The following HOMER2 variants were observed in gnomAD, a reference collection of about 807,000 sequenced individuals.
HOMER2 encodes the protein homer scaffold protein 2.
HOMER2 carries 27 observed loss-of-function variants against 47.0 expected under a neutral mutation model. The observed-to-expected ratio is 0.57, with a 90% CI of 0.42 to 0.79. The LOEUF is 0.79. Ranked by LOEUF, HOMER2 falls within the 30% of genes least tolerant of loss-of-function variation. The pLI, the probability that HOMER2 is intolerant of heterozygous loss-of-function variation, is 0.00. For synonymous variants in HOMER2, 161 were observed against 163.8 expected, an observed-to-expected ratio of 0.98 and a Z score of 0.13; for missense variants, 443 against 435.0, an observed-to-expected ratio of 1.02 and a Z score of -0.16.
At chr15:82,876,771 A>T (rs937365539) in intron 2 of HOMER2, among the ~76,000 whole-genome samples, 3 of 152,246 alleles carry the variant, frequency 2.0e-5, no homozygotes, top group Admixed American at 6.5e-5. Flanking sequence ...AGACAAAAAA[A>T]GTTTGAATGG....
chr15:82,898,637 G>T (rs971356634), intron 1 of HOMER2, among the ~76,000 whole-genome samples: 1 of 152,162 alleles, frequency 6.6e-6, no homozygotes, highest in African/African-American at 2.4e-5. Context: ...AGAATAATTA[G>T]ATACTCTGTG....
At chr15:82,903,641 C>T (rs962740956) in intron 1 of HOMER2, among the ~76,000 whole-genome samples, 2 of 151,316 alleles carry the variant, frequency 1.3e-5, no homozygotes, top group East Asian at 3.9e-4. Flanking sequence ...CACACGGCAA[C>T]AAGAGCGAAA....
At chr15:82,858,924 C>A (rs888000621) in intron 5 of HOMER2, 105 bp downstream of exon 5, 28 of 1,345,020 alleles carry the variant, frequency 2.1e-5, no homozygotes, top group Middle Eastern at 2.2e-4. Context: ...CTAAGCAGGT[C>A]CCAGTTTTCT....
intron 1 of HOMER2, among the ~76,000 whole-genome samples, chr15:82,934,380 T>G (rs969796199): frequency 6.6e-6 from 1 of 151,800 alleles, no homozygotes; most frequent in Non-Finnish European, 1.5e-5. Flanking sequence ...CCTCTTCCAC[T>G]CCAATGCCTC....
intron 5 of HOMER2, among the ~76,000 whole-genome samples, chr15:82,855,341 A>G (rs1169639670): frequency 6.6e-6 from 1 of 150,584 alleles, no homozygotes; most frequent in Non-Finnish European, 1.5e-5. Flanking sequence ...AAAAAAAAAA[A>G]AAAAAAAAGA....
At chr15:82,855,719 C>T (rs561544982) in intron 5 of HOMER2, among the ~76,000 whole-genome samples, 13 of 152,164 alleles carry the variant, frequency 8.5e-5, no homozygotes, top group Non-Finnish European at 1.9e-4. Context: ...GGCCCATATC[C>T]CCCCGGGGTG....
At chr15:82,873,007 G>C (rs1023843216) in intron 3 of HOMER2, among the ~76,000 whole-genome samples, 1 of 152,208 alleles carries the variant, frequency 6.6e-6, no homozygotes, top group East Asian at 1.9e-4. Context: ...AGGAGGGGCT[G>C]TTCTATGGAT....
Position 82,875,302 on chromosome 15 carries a change from C to T in HOMER2, c.265G>A (p.Gly89Arg), listed in dbSNP as rs2052310345. 1 of 1,613,740 alleles carries T rather than the reference C, an allele frequency of 6.2e-7. No individual in the cohort carries two copies. Among genetic ancestry groups the T allele is most frequent in the Admixed American group, 1.7e-5 (1 of 60,006 alleles). ...GTCAGCTGCTGCTCAGAGGAAAACC[C>T]CAAACCAAACACTGTGTTGGCTCTG... Reference protein sequence around the residue: ...DSRANTVFGLGFSSEQQLTKF... With the variant: ...DSRANTVFGLRFSSEQQLTKF... The change falls in exon 3 of 9, where the codon GGG becomes AGG. Residue 89 changes from glycine (G) to arginine (R), a missense_variant. By Grantham distance (125) the Gly-to-Arg change is moderately radical. Transcript: ENST00000450735.
At chr15:82,970,843 T>C (rs2029960637) in intron 1 of HOMER2, among the ~76,000 whole-genome samples, 1 of 152,210 alleles carries the variant, frequency 6.6e-6, no homozygotes, top group Non-Finnish European at 1.5e-5. Flanking sequence ...GGTAAAAATA[T>C]CTCCAGCTCC....
chr15:82,849,661 T>A lies in HOMER2; in HGVS notation c.*54A>T. Reference sequence around the variant, plus strand: ...CACAGAAGAACGTCCTAGAGCTATCTGGTCTCGCACACACGCTTGGGACTC... The same window carrying A: ...CACAGAAGAACGTCCTAGAGCTATCAGGTCTCGCACACACGCTTGGGACTC... On this transcript the variant is annotated 3_prime_UTR_variant, in exon 9 of 9. Coordinates refer to ENST00000450735, the MANE Select transcript of HOMER2 (RefSeq NM_004839.4). 1 of 1,499,146 alleles carries A rather than the reference T, an allele frequency of 6.7e-7. No homozygotes were observed. The highest frequency in any genetic ancestry group is 9.1e-7 in the Non-Finnish European group (1 of 1,096,842). 92.9% of individuals were successfully genotyped at this position (1,499,146 alleles called of 1,614,324 possible).
At chr15:82,894,640 C>CAG (rs2052843950) in intron 1 of HOMER2, among the ~76,000 whole-genome samples, 1 of 141,788 alleles carries the variant, frequency 7.1e-6, no homozygotes, top group African/African-American at 2.7e-5. Flanking sequence ...CACTGCACTC[C>CAG]AGCCTGGGCG....
upstream of HOMER2, among the ~76,000 whole-genome samples, chr15:82,954,216 A>G (rs1004627580): frequency 2.6e-5 from 4 of 152,178 alleles, no homozygotes; most frequent in Non-Finnish European, 5.9e-5. Context: ...ATCAGGTAAT[A>G]CCTGAGGATT....
At chr15:82,890,727 C>A (rs1345526186) in intron 2 of HOMER2, among the ~76,000 whole-genome samples, 1 of 152,166 alleles carries the variant, frequency 6.6e-6, no homozygotes, top group Non-Finnish European at 1.5e-5. Context: ...TATATTTAAG[C>A]CCGATATATC....
At chr15:82,890,548 C>G (rs1053347695) in intron 2 of HOMER2, among the ~76,000 whole-genome samples, 1 of 152,182 alleles carries the variant, frequency 6.6e-6, no homozygotes, top group African/African-American at 2.4e-5. Flanking sequence ...CCTACCCTCC[C>G]ACACCCATCT....
In HOMER2 at chr15:82,851,367, T is replaced by C. The variant is rs565893992; in HGVS notation, c.763-136A>G. 1.1e-5 allele frequency: 7 copies of C among 650,260 alleles called. No homozygotes were observed. In the East Asian group the frequency reaches 1.1e-4, roughly 10 times the overall value. The allele number at this position is 650,260 out of a possible 1,614,324, so 40.3% of individuals were successfully genotyped here. On this transcript the variant is annotated intron_variant, in intron 7 of 8. Coordinates refer to ENST00000450735, the MANE Select transcript of HOMER2 (RefSeq NM_004839.4). ...TTTGCATAGACAGTGATAGTGACCA[T>C]GCGAATACTTCATCTCAGGGAATTT...
rs68038013 is a variant in HOMER2, at chr15:82,897,065, C to CTTTTTTTTT, written c.6-4233_6-4225dup. Among the ~76,000 whole-genome samples the CTTTTTTTTT allele has an allele frequency of 7.9e-4, 80 of 101,768 alleles. 4 individuals carry two copies. The highest frequency in any genetic ancestry group is 9.6e-4 in the East Asian group (3 of 3,138). The allele number at this position is 101,768 out of a possible 152,430, so 66.8% of individuals were successfully genotyped here. ...ACAGGTCTGAAATTTGATGTCATTT[C>CTTTTTTTTT]TTTTTTTTTTTTTTTTTTTTAGATG... On this transcript the variant is annotated intron_variant, in intron 1 of 8. Coordinates refer to ENST00000450735, the MANE Select transcript of HOMER2 (RefSeq NM_004839.4).
chr15:82,873,019 C>T (rs1596316111), intron 3 of HOMER2, among the ~76,000 whole-genome samples: 1 of 152,190 alleles, frequency 6.6e-6, no homozygotes. Context: ...TCTATGGATA[C>T]CCAGTCATTC....
intron 1 of HOMER2, among the ~76,000 whole-genome samples, chr15:82,932,217 G>A (rs539357967): frequency 2.0e-5 from 3 of 152,082 alleles, no homozygotes; most frequent in Admixed American, 6.5e-5. Context: ...GAAGAGGGCC[G>A]GGCGTGGTGG....
chr15:82,969,459 T>C (rs1325285376), intron 1 of HOMER2, among the ~76,000 whole-genome samples: 1 of 152,204 alleles, frequency 6.6e-6, no homozygotes, highest in Non-Finnish European at 1.5e-5. Context: ...TAGACATCAC[T>C]TCTGTTCATA....
Sources: gnomAD v4.1 joint callset for allele counts (sites outside exome capture counted in the v4.1 genomes callset) on GRCh38, gnomAD v4.1.1 for gene constraint, MANE v1.5 for transcripts, NCBI Gene and HGNC (gene_info 2026-07-23, HGNC 2026-07-21) for gene names.